RDX: variants seen among roughly 807,000 people sequenced by gnomAD.
RDX encodes radixin.
In RDX, 32 loss-of-function variants were observed where a neutral mutation model predicts 83.7. The observed-to-expected ratio is 0.38, with a 90% confidence interval of 0.29 to 0.51. The LOEUF is 0.51. Among genes scored for constraint, RDX ranks in the 20% least tolerant of loss-of-function variants. The pLI, the probability that RDX is intolerant of heterozygous loss-of-function variation, is 0.87. For missense variants in RDX, 600 were observed against 689.9 expected (o/e 0.87, Z 1.46); for synonymous variants, 229 against 222.7 (o/e 1.03, Z -0.25).
intron 3 of RDX, among the ~76,000 whole-genome samples, chr11:110,265,768 A>C (rs760717793): frequency 7.9e-5 from 12 of 152,110 alleles, no homozygotes; most frequent in Non-Finnish European, 1.6e-4. Flanking sequence ...TTTATTCTTT[A>C]AGGACAAGCT....
intron 2 of RDX, among the ~76,000 whole-genome samples, chr11:110,273,828 C>A (rs1213301428): frequency 2.0e-5 from 3 of 152,152 alleles, no homozygotes; most frequent in African/African-American, 7.2e-5. Context: ...TTCCCTTAAC[C>A]AGTATAAACC....
In RDX at chr11:110,254,035, T is replaced by C. The variant is rs1321513562; in HGVS notation, c.870A>G (p.Leu290=). The C allele has an allele frequency of 5.0e-6, 8 of 1,613,644 alleles. No homozygotes were observed. The highest frequency in any genetic ancestry group is 2.2e-5 in the East Asian group (1 of 44,848). Residue 290 remains leucine, a synonymous_variant, in exon 9 of 14, where the codon CTA becomes CTG. Transcript: ENST00000645495. ...ILALCMGNHE[L]YMRRRKPDTI... ...TATCAGGCTTCCTTCTTCGCATGTA[T>C]AGTTCATGGTTTCCCATACATAAGG...
chr11:110,273,482 T>C (rs1329707486), intron 2 of RDX, among the ~76,000 whole-genome samples: 1 of 152,238 alleles, frequency 6.6e-6, no homozygotes, highest in Non-Finnish European at 1.5e-5. Flanking sequence ...CGTGCAATCA[T>C]GGCACACTGC....
At chr11:110,246,643 A>G (rs1245114562) in intron 10 of RDX, among the ~76,000 whole-genome samples, 2 of 151,722 alleles carry the variant, frequency 1.3e-5, no homozygotes, top group African/African-American at 4.8e-5. Context: ...GGCCTGGTGG[A>G]GTACGCCTGT....
In RDX at chr11:110,247,796, C is replaced by T. The variant is rs761720838; in HGVS notation, c.997G>A (p.Ala333Thr). 1.3e-6 allele frequency: 2 copies of T among 1,592,974 alleles called. 1 individual carries two copies. Among genetic ancestry groups the T allele is most frequent in the South Asian group, 2.2e-5 (2 of 89,262 alleles). ...TCTATTCTTTCCTTTTCCTTTTCTG[C>T]TATTTCTCTTTTCTTCTTTTCATTC... ...LENEKKKREI[A>T]EKEKERIERE... Residue 333 changes from alanine to threonine, a missense_variant, in exon 10 of 14, where the codon GCA becomes ACA. Ala to Thr is a moderately conservative substitution (Grantham distance 58). Transcript: ENST00000645495.
chr11:110,219,210 CTT>C (rs1864161931), intron 14 of RDX, among the ~76,000 whole-genome samples: 1 of 152,144 alleles, frequency 6.6e-6, no homozygotes, highest in Non-Finnish European at 1.5e-5. Flanking sequence ...GGGAAAGTGT[CTT>C]CCAAGCTGAG....
chr11:110,218,968 T>C (rs1864153525), intron 14 of RDX, among the ~76,000 whole-genome samples: 1 of 152,142 alleles, frequency 6.6e-6, no homozygotes, highest in Admixed American at 6.6e-5. Flanking sequence ...AACAGTAAAA[T>C]TCCTGCCCTC....
rs1281621284 is a variant in RDX at position 110,186,737 on chromosome 11, G to T, written c.*32-11503C>A. Among the ~76,000 whole-genome samples, 4 of 152,258 alleles carry T rather than the reference G, an allele frequency of 2.6e-5. No individual in the cohort carries two copies. The East Asian group carries it at 7.7e-4, about 29-fold the overall frequency. ...AGGGAGAGCATTTCATTTCTCCCAA[G>T]CCCTGGAGCGGACTTATGAAGCAGC... On this transcript the variant is annotated intron_variant, in intron 15 of 15. Transcript: ENST00000528498.
downstream of RDX, among the ~76,000 whole-genome samples, chr11:110,229,017 A>C (rs952512740): frequency 1.3e-5 from 2 of 151,994 alleles, no homozygotes; most frequent in African/African-American, 4.8e-5. Flanking sequence ...CAATTTCTAG[A>C]TTTATAGTAA....
chr11:110,179,167 G>T (rs912459723), intron 15 of RDX, among the ~76,000 whole-genome samples: 1 of 152,290 alleles, frequency 6.6e-6, no homozygotes, highest in South Asian at 2.1e-4. Flanking sequence ...GCCAGAAGCC[G>T]GGGAACTGAT....
At chr11:110,222,142 T>C (rs1026643208) in intron 14 of RDX, among the ~76,000 whole-genome samples, 5 of 152,220 alleles carry the variant, frequency 3.3e-5, no homozygotes, top group African/African-American at 1.2e-4. Context: ...TTTTAAGAGC[T>C]AAAGCATAAT....
chr11:110,294,017 A>G (rs899437458), intron 1 of RDX, among the ~76,000 whole-genome samples: 1 of 152,258 alleles, frequency 6.6e-6, no homozygotes, highest in Non-Finnish European at 1.5e-5. Context: ...ATAGTAGGTT[A>G]AAAGATTGAG....
intron 1 of RDX, among the ~76,000 whole-genome samples, chr11:110,280,147 G>C (rs1329388903): frequency 1.3e-5 from 2 of 152,142 alleles, no homozygotes; most frequent in African/African-American, 4.8e-5. Flanking sequence ...ACTCTGAAGA[G>C]CTTAAGAATA....
chr11:110,184,342 G>T lies in RDX; in HGVS notation c.*32-9108C>A, dbSNP rs1268616355. Among the ~76,000 whole-genome samples, 7 of 152,238 alleles carry T rather than the reference G, an allele frequency of 4.6e-5. No individual in the cohort carries two copies. The East Asian group carries it at 1.3e-3, about 29-fold the overall frequency. Reference sequence around the variant, plus strand: ...CCAAGCCCAGGCGGTGAACAGCCCTGTGGGGTTCTCCAGCCTCTGTCTCCC... The same window carrying T: ...CCAAGCCCAGGCGGTGAACAGCCCTTTGGGGTTCTCCAGCCTCTGTCTCCC... On this transcript the variant is annotated intron_variant, in intron 15 of 15. Transcript: ENST00000528498.
At chr11:110,268,299 ACT>A (rs1192370282) in intron 3 of RDX, among the ~76,000 whole-genome samples, 11 of 149,684 alleles carry the variant, frequency 7.3e-5, no homozygotes, top group African/African-American at 2.7e-4. Context: ...ACAGAGTAAG[ACT>A]CTGTTTCGGG....
At chr11:110,258,502 G>A (rs934711986) in intron 5 of RDX, among the ~76,000 whole-genome samples, 2 of 151,992 alleles carry the variant, frequency 1.3e-5, no homozygotes, top group African/African-American at 2.4e-5. Context: ...TTTTACAACT[G>A]CATAATAATC....
chr11:110,283,198 G>A (rs1381205255), intron 1 of RDX, among the ~76,000 whole-genome samples: 2 of 152,074 alleles, frequency 1.3e-5, no homozygotes, highest in Non-Finnish European at 2.9e-5. Context: ...CTGTCACCCA[G>A]GCTGGAGTGC....
At chr11:110,265,611 A>G (rs1175684599) in intron 3 of RDX, among the ~76,000 whole-genome samples, 1 of 152,184 alleles carries the variant, frequency 6.6e-6, no homozygotes, top group Non-Finnish European at 1.5e-5. Context: ...TGGTGATAAG[A>G]AAAGTCTGAT....
intron 15 of RDX, among the ~76,000 whole-genome samples, chr11:110,184,328 C>T (rs1398513441): frequency 6.6e-6 from 1 of 152,210 alleles, no homozygotes; most frequent in South Asian, 2.1e-4. Context: ...CAAGCCCAGG[C>T]GGTGAACAGC....
Sources: allele counts gnomAD v4.1 joint callset (sites outside exome capture counted in the v4.1 genomes callset), GRCh38; gene constraint gnomAD v4.1.1; transcripts MANE v1.5; gene names NCBI Gene and HGNC (gene_info 2026-07-23, HGNC 2026-07-21).